The following CGN variants were observed in gnomAD, a reference collection of about 807,000 sequenced individuals.
CGN encodes cingulin.
CGN carries 121 observed loss-of-function variants against 157.1 expected under a neutral mutation model. That is an observed-to-expected ratio of 0.77 (90% CI 0.66 to 0.90). The LOEUF is 0.90. Ranked by LOEUF, CGN falls within the 40% of genes least tolerant of loss-of-function variation. CGN has a pLI of 0.00. For synonymous variants in CGN, 535 were observed against 607.5 expected, an observed-to-expected ratio of 0.88 and a Z score of 1.76; for missense variants, 1,424 against 1,520.9, an observed-to-expected ratio of 0.94 and a Z score of 1.06.
Position 151,518,787 on chromosome 1 carries a change from G to A in CGN, c.268G>A (p.Ala90Thr). 1.2e-6 allele frequency: 2 copies of A among 1,614,092 alleles called. No homozygotes were observed. The highest frequency in any genetic ancestry group is 1.7e-6 in the Non-Finnish European group (2 of 1,179,992). ...AATCAAGGGGGCCAATGACCAAGGGGCCTCAGGAGCTCTGAGCTCAGATTT... is the reference window on the plus strand; with the variant it reads ...AATCAAGGGGGCCAATGACCAAGGGACCTCAGGAGCTCTGAGCTCAGATTT... ...VQIKGANDQG[A>T]SGALSSDLEL... is the part of the protein sequence containing the mutation. The change falls in exon 2 of 21, where the codon GCC (alanine) becomes ACC (threonine). Residue 90 changes from alanine to threonine, a missense_variant. Around this residue, in one of 3 missense-constraint regions of CGN, gnomAD observed 1,187 missense variants for 1,217.6 expected, o/e 0.97. Coordinates refer to ENST00000271636, the MANE Select transcript of CGN (RefSeq NM_020770.3).
At chr1:151,510,999 A>C (rs1303667623), upstream of CGN, 1 of 152,254 alleles carries the variant, frequency 6.6e-6, no homozygotes, top group Non-Finnish European at 1.5e-5. Flanking sequence ...GTTCCTGCAG[A>C]GGTAGGTGAA....
At chr1:151,512,363 G>T (rs1433953785) in intron 1 of CGN, among the ~76,000 whole-genome samples, 3 of 152,160 alleles carry the variant, frequency 2.0e-5, no homozygotes, top group Non-Finnish European at 4.4e-5. Flanking sequence ...GTTCTAGATG[G>T]GGACCATTGG....
At chr1:151,532,266 A>G in intron 13 of CGN, 136 bp from the exon 14 acceptor site, 2 of 552,118 alleles carry the variant, frequency 3.6e-6, no homozygotes, top group Non-Finnish European at 3.0e-6. Flanking sequence ...TAGCTATACT[A>G]GGAACCTAGG....
At position 151,537,182 on chromosome 1, in the gene CGN, CATT is replaced by C. The variant is rs779546339; in HGVS notation, c.3471-19_3471-17del. On this transcript the variant is annotated intron_variant, in intron 20 of 20. Transcript: ENST00000271636. ...ATATTTCTATTTTCCCCTCCCCAAC[CATT>C]ATTCTTCTCTCTGAGTCAGGCGCAA... The C allele has an allele frequency of 1.8e-4, 293 of 1,603,464 alleles. 2 individuals are homozygous for C. The East Asian group carries it at 6.5e-3, about 36-fold the overall frequency.
intron 13 of CGN, 60 bp from the exon 14 acceptor site, chr1:151,532,342 T>A: frequency 7.6e-7 from 1 of 1,308,576 alleles, no homozygotes; most frequent in Non-Finnish European, 1.0e-6. Context: ...GTCTTGGGAG[T>A]CTGGGCCTGG....
At position 151,537,207 on chromosome 1, in the gene CGN, G is replaced by T. The variant is rs747822347; in HGVS notation, c.3473G>T (p.Arg1158Leu). 67 of 1,612,602 alleles carry T rather than the reference G, an allele frequency of 4.2e-5. No homozygotes were observed. The highest frequency in any genetic ancestry group is 5.3e-5 in the Non-Finnish European group (63 of 1,179,446). ...RIKSLEKDSW[R>L]KASRSAAESA... ...CATTATTCTTCTCTCTGAGTCAGGC[G>T]CAAAGCTTCCCGCTCAGCTGCTGAG... The change falls in exon 21 of 21, where the codon CGC becomes CTC. Residue 1158 changes from arginine to leucine, a missense_variant and splice_region_variant. Coordinates refer to ENST00000271636, the MANE Select transcript of CGN (RefSeq NM_020770.3).
intron 1 of CGN, among the ~76,000 whole-genome samples, chr1:151,514,872 C>T (rs374084714): frequency 6.6e-6 from 1 of 152,056 alleles, no homozygotes; most frequent in Non-Finnish European, 1.5e-5. Flanking sequence ...GCCAAAAGTG[C>T]CTGTTGGACA....
chr1:151,530,703 A>T lies in CGN; in HGVS notation c.2528A>T (p.Gln843Leu). The T allele has an allele frequency of 6.4e-7, 1 of 1,555,468 alleles. No individual in the cohort carries two copies. Among genetic ancestry groups the T allele is most frequent in the East Asian group, 2.4e-5 (1 of 41,224 alleles). ...LRRGKAELEE[Q>L]KRLLDRTVDR... is the part of the protein sequence containing the mutation. ...CGAGGCAAGGCTGAGCTGGAGGAGC[A>T]GAAGCGTTTGCTGGACAGGACTGTG... Residue 843 changes from glutamine (Q) to leucine (L), a missense_variant, in exon 13 of 21, where the codon CAG becomes CTG. Transcript: ENST00000271636.
intron 8 of CGN, 118 bp from the exon 9 acceptor site, chr1:151,525,524 G>T (rs951912868): frequency 1.5e-6 from 1 of 656,384 alleles, no homozygotes; most frequent in Non-Finnish European, 2.4e-6. Flanking sequence ...GAGTGTCAGG[G>T]GGTGCACCTG....
At chr1:151,520,338 C>T in intron 3 of CGN, 72 bp downstream of exon 3, 1 of 1,568,808 alleles carries the variant, frequency 6.4e-7, no homozygotes, top group South Asian at 1.1e-5. Context: ...TTCCCATCTT[C>T]CCTGATTTTA....
rs547118877 is a variant in CGN, at chr1:151,519,051, G to T, written c.532G>T (p.Val178Leu). 6.2e-7 allele frequency: 1 copy of T among 1,614,166 alleles called. No individual in the cohort carries two copies. Among genetic ancestry groups the T allele is most frequent in the Non-Finnish European group, 8.5e-7 (1 of 1,180,044 alleles). ...CATTGACACTGCTCCCCTGTCTTCA[G>T]TGGACTCACTCATCAACAAGTTTGA... is the stretch of plus-strand genomic sequence containing the variant. The part of the protein sequence containing the change: ...STIDTAPLSS[V>L]DSLINKFDSQ... The change falls in exon 2 of 21, where the codon GTG becomes TTG. Residue 178 changes from valine to leucine, a missense_variant. This residue lies in a region of CGN where 1,187 missense variants were observed against 1,217.6 expected (regional missense o/e 0.97). Coordinates refer to ENST00000271636, the MANE Select transcript of CGN (RefSeq NM_020770.3).
At chr1:151,528,279 A>ATG (rs1664744916) in intron 10 of CGN, among the ~76,000 whole-genome samples, 1 of 150,590 alleles carries the variant, frequency 6.6e-6, no homozygotes, top group Admixed American at 6.6e-5. Flanking sequence ...GAGCCACCGC[A>ATG]CCCAGCCTCA....
In CGN at chr1:151,537,662, A is replaced by G; in HGVS notation, c.*316A>G. On this transcript the variant is annotated 3_prime_UTR_variant, in exon 21 of 21. Transcript: ENST00000271636. Reference sequence around the variant, plus strand: ...GGGACTGAGAAGGATAGGAAGGGATAGAAATTGCCATGTGTATAAAGCTTT... The same window carrying G: ...GGGACTGAGAAGGATAGGAAGGGATGGAAATTGCCATGTGTATAAAGCTTT... 4.0e-6 allele frequency: 1 copy of G among 250,120 alleles called. No homozygotes were observed. The highest frequency in any genetic ancestry group is 7.9e-5 in the East Asian group (1 of 12,714). 15.5% of individuals were successfully genotyped at this position (250,120 alleles called of 1,614,324 possible).
chr1:151,537,327 T>C lies in CGN; in HGVS notation c.3593T>C (p.Leu1198Pro). The C allele has an allele frequency of 6.2e-7, 1 of 1,613,776 alleles. No individual in the cohort carries two copies. The highest frequency in any genetic ancestry group is 1.1e-5 in the South Asian group (1 of 91,012). ...SIASLLTESNLQTSSC is the reference protein window; with the variant it reads ...SIASLLTESNPQTSSC ...GCATCACTGCTTACGGAGAGCAACC[T>C]ACAGACCAGCTCCTGTTAGCTCGTG... The change falls in exon 21 of 21, where the codon CTA (leucine) becomes CCA (proline). Residue 1198 changes from leucine (L) to proline (P), a missense_variant. Leu to Pro is a moderately conservative substitution (Grantham distance 98). Transcript: ENST00000271636.
chr1:151,521,924 G>A (rs1200628405), intron 5 of CGN, among the ~76,000 whole-genome samples: 4 of 152,196 alleles, frequency 2.6e-5, no homozygotes, highest in East Asian at 1.9e-4. Flanking sequence ...CTGTTATAAG[G>A]TTCCAGTCCA....
intron 19 of CGN, among the ~76,000 whole-genome samples, 171 bp downstream of exon 19, chr1:151,536,516 G>A (rs1445079629): frequency 1.3e-5 from 2 of 152,258 alleles, no homozygotes; most frequent in African/African-American, 2.4e-5. Flanking sequence ...CATGGTAAGC[G>A]TATATATTGA....
rs780566577 is a variant in CGN, at chr1:151,530,476, C to T, written c.2314-13C>T. ...ACCTTTTCTCAGTCCAACCCTGCTT[C>T]CCTACCTCCCAGGCAGAGAAACAGC... On this transcript the variant is annotated splice_polypyrimidine_tract_variant and intron_variant, in intron 12 of 20. Transcript: ENST00000271636. 6.2e-5 allele frequency: 97 copies of T among 1,552,282 alleles called. No individual in the cohort carries two copies. The highest frequency in any genetic ancestry group is 1.7e-4 in the Middle Eastern group (1 of 5,792).
Position 151,519,360 on chromosome 1 carries a change from C to T in CGN, c.841C>T (p.Arg281Trp), listed in dbSNP as rs140720174. 1.6e-3 allele frequency: 2,519 copies of T among 1,601,990 alleles called. 2 individuals are homozygous for T. Among genetic ancestry groups the T allele is most frequent in the Middle Eastern group, 2.0e-3 (12 of 5,910 alleles). ...DWVLQSFEEP[R>W]RSAQDPTMLQ... Reference sequence around the variant, plus strand: ...GGTCCTTCAGAGTTTTGAGGAGCCGCGGAGGAGTGCACAGGACCCCACCAT... The same window carrying T: ...GGTCCTTCAGAGTTTTGAGGAGCCGTGGAGGAGTGCACAGGACCCCACCAT... Residue 281 changes from arginine (R) to tryptophan (W), a missense_variant, in exon 2 of 21, where the codon CGG (arginine) becomes TGG (tryptophan). Around this residue, in one of 3 missense-constraint regions of CGN, gnomAD observed 1,187 missense variants for 1,217.6 expected, o/e 0.97. Transcript: ENST00000271636.
intron 1 of CGN, among the ~76,000 whole-genome samples, chr1:151,517,262 T>A (rs1260253857): frequency 6.6e-6 from 1 of 152,206 alleles, no homozygotes; most frequent in African/African-American, 2.4e-5. Context: ...CTTTCTGCTC[T>A]TCCAGAGAAT....
Sources: gnomAD v4.1 joint callset for allele counts (sites outside exome capture counted in the v4.1 genomes callset) on GRCh38, gnomAD v4.1.1 for gene constraint, gnomAD v4.1.1 regional missense constraint, MANE v1.5 for transcripts, NCBI Gene and HGNC (gene_info 2026-07-23, HGNC 2026-07-21) for gene names.